The following KCNIP4 variants were observed in gnomAD, a reference collection of about 807,000 sequenced individuals.
The protein encoded by KCNIP4 is potassium voltage-gated channel interacting protein 4, also known as Kv channel-interacting protein 4.
KCNIP4 carries 12 observed loss-of-function variants against 34.0 expected under a neutral mutation model. The ratio of observed to expected loss-of-function variants is 0.35; its 90% CI spans 0.23 to 0.57. The LOEUF (loss-of-function observed/expected upper bound fraction) is 0.57, where lower values mean the gene tolerates loss of function less well. Among genes scored for constraint, KCNIP4 ranks in the 20% least tolerant of loss-of-function variants. The pLI is 0.83. For missense variants in KCNIP4, 238 were observed against 311.7 expected, an observed-to-expected ratio of 0.76 and a Z score of 1.78; for synonymous variants, 124 against 102.2, an observed-to-expected ratio of 1.21 and a Z score of -1.29.
intron 1 of KCNIP4, among the ~76,000 whole-genome samples, chr4:21,220,698 A>G (rs1224940052): frequency 2.6e-5 from 4 of 152,182 alleles, no homozygotes; most frequent in Non-Finnish European, 5.9e-5. Context: ...GAAACACAGA[A>G]TCAAAGAAGA....
chr4:20,752,217 C>T (rs945854756), intron 4 of KCNIP4, among the ~76,000 whole-genome samples: 15 of 152,020 alleles, frequency 9.9e-5, no homozygotes, highest in African/African-American at 3.4e-4. Flanking sequence ...TGCCACCATG[C>T]CCGGCGAATT....
intron 1 of KCNIP4, among the ~76,000 whole-genome samples, chr4:21,807,632 G>A (rs1721383242): frequency 6.6e-6 from 1 of 152,182 alleles, no homozygotes; most frequent in Non-Finnish European, 1.5e-5. Context: ...AGGTTGATGA[G>A]AACATTCCAC....
At chr4:21,896,887 C>A (rs1727418455) in intron 1 of KCNIP4, among the ~76,000 whole-genome samples, 1 of 151,648 alleles carries the variant, frequency 6.6e-6, no homozygotes, top group Non-Finnish European at 1.5e-5. Flanking sequence ...ACACTGCATT[C>A]CAGCCTAGGC....
chr4:21,157,136 A>G (rs896688226), intron 1 of KCNIP4, among the ~76,000 whole-genome samples: 3 of 152,148 alleles, frequency 2.0e-5, no homozygotes, highest in Non-Finnish European at 2.9e-5. Flanking sequence ...GACAGTTAAC[A>G]TCACCAGCTT....
chr4:21,460,590 G>A (rs1051294780), intron 1 of KCNIP4, among the ~76,000 whole-genome samples: 2 of 152,096 alleles, frequency 1.3e-5, no homozygotes, highest in African/African-American at 4.8e-5. Context: ...ACATGGCAGA[G>A]AGAGAGAATG....
intron 1 of KCNIP4, among the ~76,000 whole-genome samples, chr4:21,239,786 C>G (rs532563693): frequency 6.2e-4 from 95 of 152,236 alleles, no homozygotes; most frequent in African/African-American, 2.2e-3. Context: ...GGACTGTAAA[C>G]TAGTTCAACC....
In KCNIP4 at chr4:21,908,029, G is replaced by A. The variant is rs1728095358; in HGVS notation, c.61+40542C>T. On this transcript the variant is annotated intron_variant, in intron 1 of 8. Transcript: ENST00000382152. The stretch of plus-strand genomic sequence containing the variant: ...AACTTTTTTTGTTCATTAAATGGGA[G>A]GTTACTCTCTCTGTGGCCCCTTCCT... Among the ~76,000 whole-genome samples the A allele has an allele frequency of 3.3e-5, 5 of 152,130 alleles. No individual in the cohort carries two copies. The South Asian group carries it at 1.0e-3, about 32-fold the overall frequency.
chr4:20,763,494 T>C (rs1360979866), intron 3 of KCNIP4, among the ~76,000 whole-genome samples: 3 of 152,182 alleles, frequency 2.0e-5, no homozygotes, highest in Non-Finnish European at 4.4e-5. Context: ...AAACTTTTTA[T>C]GGGCCAGGTC....
intron 1 of KCNIP4, among the ~76,000 whole-genome samples, chr4:21,828,665 T>C (rs1207373182): frequency 6.6e-6 from 1 of 151,952 alleles, no homozygotes; most frequent in Admixed American, 6.6e-5. Context: ...ATTAGAATGA[T>C]GACTGACTTC....
intron 3 of KCNIP4, among the ~76,000 whole-genome samples, chr4:20,843,236 G>T (rs1719961033): frequency 6.6e-6 from 1 of 151,910 alleles, no homozygotes; most frequent in South Asian, 2.1e-4. Context: ...CATAAATGAA[G>T]GTAACATTTT....
chr4:20,889,749 A>G (rs1017894046), intron 1 of KCNIP4, among the ~76,000 whole-genome samples: 1 of 148,832 alleles, frequency 6.7e-6, no homozygotes, highest in African/African-American at 2.5e-5. Flanking sequence ...GATGTTTAAA[A>G]AATAAAAACT....
At chr4:21,495,109 T>A (rs1222939249) in intron 1 of KCNIP4, among the ~76,000 whole-genome samples, 1 of 152,192 alleles carries the variant, frequency 6.6e-6, no homozygotes, top group Non-Finnish European at 1.5e-5. Flanking sequence ...CTGAACTCCA[T>A]ATCCATCCTT....
At chr4:20,739,123 G>A (rs1750431627) in intron 5 of KCNIP4, among the ~76,000 whole-genome samples, 1 of 152,178 alleles carries the variant, frequency 6.6e-6, no homozygotes, top group African/African-American at 2.4e-5. Context: ...AGCTCAAGGA[G>A]GCCTGCCTGC....
At chr4:20,757,386 T>G (rs892906373) in intron 4 of KCNIP4, among the ~76,000 whole-genome samples, 6 of 152,304 alleles carry the variant, frequency 3.9e-5, no homozygotes, top group African/African-American at 1.4e-4. Context: ...ATCAGTGAAA[T>G]GTATCCCAAA....
intron 1 of KCNIP4, among the ~76,000 whole-genome samples, chr4:21,112,489 T>C (rs1001527642): frequency 1.3e-5 from 2 of 152,172 alleles, no homozygotes; most frequent in Admixed American, 1.3e-4. Context: ...ATTTTGGAGA[T>C]AGTAACATGC....
intron 1 of KCNIP4, among the ~76,000 whole-genome samples, chr4:21,393,458 C>A (rs1359122813): frequency 6.6e-6 from 1 of 151,986 alleles, no homozygotes; most frequent in Non-Finnish European, 1.5e-5. Flanking sequence ...AGGGGTGGCA[C>A]CACCCATTTT....
chr4:20,770,160 A>C (rs553355774), intron 3 of KCNIP4, among the ~76,000 whole-genome samples: 1 of 152,300 alleles, frequency 6.6e-6, no homozygotes, highest in South Asian at 2.1e-4. Context: ...GTTTAACAAC[A>C]GTCTTTTTTT....
At chr4:21,392,528 C>T (rs1722654088) in intron 1 of KCNIP4, among the ~76,000 whole-genome samples, 1 of 152,164 alleles carries the variant, frequency 6.6e-6, no homozygotes, top group South Asian at 2.1e-4. Flanking sequence ...TTCGTGAAGG[C>T]ACAAGCAACA....
At chr4:21,251,049 T>A (rs540040195) in intron 1 of KCNIP4, among the ~76,000 whole-genome samples, 2 of 152,068 alleles carry the variant, frequency 1.3e-5, no homozygotes, top group Non-Finnish European at 2.9e-5. Flanking sequence ...CAGCTTTTTT[T>A]AAATTATTGA....
Sources: allele counts gnomAD v4.1 joint callset (sites outside exome capture counted in the v4.1 genomes callset), GRCh38; gene constraint gnomAD v4.1.1; transcripts MANE v1.5; gene names NCBI Gene and HGNC (gene_info 2026-07-23, HGNC 2026-07-21).